Variants in LINGO3 observed in about 807,000 individuals in gnomAD.
LINGO3 encodes the protein leucine rich repeat and Ig domain containing 3.
For synonymous variants in LINGO3, 427 were observed against 444.2 expected, an observed-to-expected ratio of 0.96 and a Z score of 0.49; for missense variants, 750 against 867.7, an observed-to-expected ratio of 0.86 and a Z score of 1.70.
upstream of LINGO3, among the ~76,000 whole-genome samples, chr19:2,295,912 G>A (rs894060105): frequency 9.2e-5 from 14 of 152,002 alleles, no homozygotes; most frequent in East Asian, 2.7e-3. Flanking sequence ...AGAGAAAAGC[G>A]AGGGGCCCCT....
downstream of LINGO3, among the ~76,000 whole-genome samples, chr19:2,288,604 C>G (rs550871860): frequency 3.9e-5 from 6 of 152,292 alleles, no homozygotes; most frequent in East Asian, 1.2e-3. This position sits in a 1 kb window ranked among gnomAD's most constrained non-coding sequence, Gnocchi z 6.5. Context: ...CTGGGAAGCA[C>G]GTGGCAGCGG....
upstream of LINGO3, among the ~76,000 whole-genome samples, chr19:2,294,285 A>G (rs1480620470): frequency 6.6e-6 from 1 of 152,180 alleles, no homozygotes; most frequent in Non-Finnish European, 1.5e-5. This position sits in a 1 kb window ranked among gnomAD's most constrained non-coding sequence, Gnocchi z 4.3. Flanking sequence ...CTAGGGTGAC[A>G]CAGCCACAAG....
upstream of LINGO3, among the ~76,000 whole-genome samples, chr19:2,295,282 C>T (rs2025563200): frequency 6.6e-6 from 1 of 152,158 alleles, no homozygotes; most frequent in Non-Finnish European, 1.5e-5. Flanking sequence ...AGTCACAACA[C>T]AGGCAGAGAC....
At chr19:2,291,901 A>C in exon 1 of LINGO3, 1 of 816,544 alleles carries the variant, frequency 1.2e-6, no homozygotes, top group Non-Finnish European at 2.0e-6. Context: ...CCCGCCCCTA[A>C]CCCGTCCCAG....
chr19:2,294,621 T>G, upstream of LINGO3, among the ~76,000 whole-genome samples: 1 of 147,280 alleles, frequency 6.8e-6, no homozygotes, highest in Non-Finnish European at 1.5e-5. The surrounding 1 kb of genome is among the most constrained non-coding windows in gnomAD (Gnocchi z 4.3). Flanking sequence ...GGCGGGGAGC[T>G]GGGTTAGGAG....
the LINGO3 span, among the ~76,000 whole-genome samples, chr19:2,305,628 CT>C: frequency 2.0e-5 from 3 of 152,178 alleles, no homozygotes; most frequent in African/African-American, 7.2e-5. Flanking sequence ...TGACATCTCC[CT>C]TGGGAAAGGC....
the LINGO3 span, among the ~76,000 whole-genome samples, chr19:2,303,822 A>C: frequency 5.3e-5 from 8 of 152,350 alleles, no homozygotes; most frequent in East Asian, 1.5e-3. Context: ...GGGAGGCTGA[A>C]CTGGACACCA....
chr19:2,302,883 C>T, the LINGO3 span, among the ~76,000 whole-genome samples: 1 of 152,216 alleles, frequency 6.6e-6, no homozygotes, highest in African/African-American at 2.4e-5. Flanking sequence ...GCCATGCGAT[C>T]GCACCCCAGG....
the LINGO3 span, among the ~76,000 whole-genome samples, chr19:2,298,535 AATT>A: frequency 9.0e-6 from 1 of 110,566 alleles, no homozygotes; most frequent in African/African-American, 3.4e-5. Context: ...CTGGGCCAAT[AATT>A]TTTTTTTTTT....
chr19:2,293,012 G>A (rs944996388), upstream of LINGO3, among the ~76,000 whole-genome samples: 2 of 152,128 alleles, frequency 1.3e-5, no homozygotes, highest in Non-Finnish European at 2.9e-5. Flanking sequence ...CCTTGAGGAC[G>A]CCATGCTCAG....
At chr19:2,298,318 C>T in the LINGO3 span, among the ~76,000 whole-genome samples, 1 of 151,520 alleles carries the variant, frequency 6.6e-6, no homozygotes, top group Non-Finnish European at 1.5e-5. Flanking sequence ...GCAGCCTCCA[C>T]CTCCCCAGCT....
At chr19:2,287,523 C>T (rs879339679), downstream of LINGO3, among the ~76,000 whole-genome samples, 2 of 152,234 alleles carry the variant, frequency 1.3e-5, no homozygotes, top group Non-Finnish European at 2.9e-5. This position sits in a 1 kb window ranked among gnomAD's most constrained non-coding sequence, Gnocchi z 4.5. Flanking sequence ...ATCTGTACAT[C>T]GTGGTGCTGG....
chr19:2,296,343 G>A (rs1017162894), upstream of LINGO3, among the ~76,000 whole-genome samples: 1 of 152,160 alleles, frequency 6.6e-6, no homozygotes, highest in African/African-American at 2.4e-5. Context: ...GGCCGGGCGC[G>A]GTGGTTCACG....
upstream of LINGO3, among the ~76,000 whole-genome samples, chr19:2,295,151 T>C (rs550602054): frequency 8.9e-4 from 136 of 152,022 alleles, no homozygotes; most frequent in African/African-American, 2.7e-3. Context: ...GAGGACAGGG[T>C]TTGTATCTTG....
At chr19:2,305,779 T>G in the LINGO3 span, among the ~76,000 whole-genome samples, 1 of 151,812 alleles carries the variant, frequency 6.6e-6, no homozygotes, top group East Asian at 1.9e-4. Flanking sequence ...GTAAGGGGAG[T>G]GTGCTCTGGA....
In LINGO3 at chr19:2,290,211, G is replaced by C. The variant is rs766451661; in HGVS notation, c.1566C>G (p.Leu522=). ...TGGACACCAGGATGGTGGTGAGGTC[G>C]AGCGGCGCGCGCAGGGCCGCCAGCG... Residue 522 remains leucine (L), a synonymous_variant, in exon 1 of 1, where the codon CTC becomes CTG. Coordinates refer to ENST00000585527, the Ensembl canonical transcript of LINGO3. This position sits in a 1 kb window ranked among gnomAD's most constrained non-coding sequence, Gnocchi z 6.0. 1.2e-6 allele frequency: 2 copies of C among 1,608,378 alleles called. No individual in the cohort carries two copies. Among genetic ancestry groups the C allele is most frequent in the East Asian group, 2.2e-5 (1 of 44,618 alleles).
chr19:2,288,463 T>C (rs1259448254), downstream of LINGO3, among the ~76,000 whole-genome samples: 2 of 152,154 alleles, frequency 1.3e-5, no homozygotes, highest in African/African-American at 4.8e-5. The surrounding 1 kb of genome is among the most constrained non-coding windows in gnomAD (Gnocchi z 6.5). Flanking sequence ...AGAGGTCATG[T>C]GTACCTAGGG....
chr19:2,300,990 T>C, the LINGO3 span, among the ~76,000 whole-genome samples: 1 of 149,060 alleles, frequency 6.7e-6, no homozygotes, highest in East Asian at 2.1e-4. Flanking sequence ...ACCACAGATG[T>C]CCCCAGACTT....
chr19:2,295,640 G>A (rs1464209006), upstream of LINGO3, among the ~76,000 whole-genome samples: 2 of 152,184 alleles, frequency 1.3e-5, no homozygotes, highest in Non-Finnish European at 2.9e-5. Context: ...TGAGGCTGAG[G>A]GAGGAGAATC....
Sources: gnomAD v4.1 joint callset for allele counts (sites outside exome capture counted in the v4.1 genomes callset) on GRCh38, gnomAD v4.1.1 for gene constraint, Gnocchi (gnomAD v3.1) non-coding constraint, MANE v1.5 for transcripts, NCBI Gene and HGNC (gene_info 2026-07-23, HGNC 2026-07-21) for gene names.